Variants in NF1 observed in about 807,000 individuals in gnomAD.
NF1 encodes the protein neurofibromin 1, also known as neurofibromin.
In NF1, 122 loss-of-function variants were observed where a neutral mutation model predicts 325.7. The observed-to-expected ratio is 0.37, with a 90% CI of 0.32 to 0.44. The LOEUF is 0.44. Ranked by LOEUF, NF1 falls within the 20% of genes least tolerant of loss-of-function variation. The pLI is 1.00. For missense variants in NF1, 2,140 were observed against 3,415.4 expected, an observed-to-expected ratio of 0.63 and a Z score of 9.31; for synonymous variants, 1,091 against 1,186.0, an observed-to-expected ratio of 0.92 and a Z score of 1.65.
At position 31,292,740 on chromosome 17, in the gene NF1, C is replaced by T. The variant is rs531878567; in HGVS notation, c.4835+27401C>T. ...CAAGTTTGACTCTGCATTTTGCAGA[C>T]ATGTCTGTAGGATTGACATAATCCA... is the stretch of plus-strand genomic sequence containing the variant. On this transcript the variant is annotated intron_variant, in intron 36 of 57. Coordinates refer to ENST00000358273, the MANE Select transcript of NF1 (RefSeq NM_001042492.3). Among the ~76,000 whole-genome samples the T allele has an allele frequency of 2.0e-5, 3 of 152,308 alleles. No homozygotes were observed. The South Asian group carries it at 6.2e-4, about 32-fold the overall frequency.
At position 31,318,641 on chromosome 17, in the gene NF1, C is replaced by T. The variant is rs577867039; in HGVS notation, c.4836-7179C>T. On this transcript the variant is annotated intron_variant, in intron 36 of 57. Coordinates refer to ENST00000358273, the MANE Select transcript of NF1 (RefSeq NM_001042492.3). The stretch of plus-strand genomic sequence containing the variant: ...ATGTTGTTGTTGTTTTCCGCACAGA[C>T]ATCCTTTTTGAAAATTTCACCATGA... 1.9e-5 allele frequency: 31 copies of T among 1,614,100 alleles called. 1 individual carries two copies. In the East Asian group the frequency reaches 6.9e-4, roughly 36 times the overall value.
chr17:31,212,396 G>T (rs2066744093), intron 12 of NF1, among the ~76,000 whole-genome samples: 1 of 152,186 alleles, frequency 6.6e-6, no homozygotes, highest in South Asian at 2.1e-4. Flanking sequence ...TCTTTAAGTA[G>T]GAGTATAACA....
In NF1 at chr17:31,227,550, G is replaced by A. The variant is rs1597713756; in HGVS notation, c.2353G>A (p.Glu785Lys). 6.2e-7 allele frequency: 1 copy of A among 1,613,836 alleles called. No individual in the cohort carries two copies. The highest frequency in any genetic ancestry group is 1.7e-5 in the Admixed American group (1 of 60,000). The change falls in exon 20 of 58, where the codon GAA becomes AAA. Residue 785 changes from glutamate (E) to lysine (K), a missense_variant. Physicochemically the swap from Glu to Lys is moderately conservative, Grantham distance 56. Coordinates refer to ENST00000358273, the MANE Select transcript of NF1 (RefSeq NM_001042492.3). ...EAWEDTHAKW[E>K]QATKLILNYP... ...TTGGGAAGATACACATGCAAAATGG[G>A]AACAAGCAACAAAGCTAATCCTTAA...
chr17:31,278,008 G>A (rs1383956081), intron 36 of NF1, among the ~76,000 whole-genome samples: 4 of 152,142 alleles, frequency 2.6e-5, no homozygotes, highest in Non-Finnish European at 4.4e-5. Flanking sequence ...GTGAGCTATA[G>A]TCCCAGCAAC....
At chr17:31,263,904 A>C (rs1042706330) in intron 35 of NF1, among the ~76,000 whole-genome samples, 9 of 152,126 alleles carry the variant, frequency 5.9e-5, no homozygotes, top group African/African-American at 1.9e-4. Context: ...ACTTCACTTA[A>C]CGTTTGGTGA....
At chr17:31,238,701 T>C (rs367725914) in intron 29 of NF1, among the ~76,000 whole-genome samples, 13 of 148,608 alleles carry the variant, frequency 8.7e-5, no homozygotes, top group African/African-American at 3.0e-4. Context: ...ACCACTGCAC[T>C]CCAGCCTGGG....
At chr17:31,254,945 A>T (rs531605308) in intron 31 of NF1, among the ~76,000 whole-genome samples, 1 of 152,310 alleles carries the variant, frequency 6.6e-6, no homozygotes, top group South Asian at 2.1e-4. Context: ...GTGTGCTTTA[A>T]CAAAACCTAA....
chr17:31,272,861 T>C (rs1025021159), intron 36 of NF1: 2 of 152,232 alleles, frequency 1.3e-5, no homozygotes, highest in African/African-American at 4.8e-5. Context: ...ATTTGTGTTA[T>C]GTAAATGTTT....
chr17:31,180,431 T>C (rs2143768546), intron 5 of NF1, among the ~76,000 whole-genome samples: 1 of 152,346 alleles, frequency 6.6e-6, no homozygotes, highest in African/African-American at 2.4e-5. Context: ...GATGCAAGGC[T>C]GGTTTCAACA....
At chr17:31,130,613 A>G (rs1334816549) in intron 1 of NF1, among the ~76,000 whole-genome samples, 1 of 151,758 alleles carries the variant, frequency 6.6e-6, no homozygotes, top group African/African-American at 2.4e-5. Context: ...TTCTCTGCCT[A>G]GTTTCATGTT....
At position 31,226,526 on chromosome 17, in the gene NF1, C is replaced by T. The variant is rs2151425770; in HGVS notation, c.2093C>T (p.Pro698Leu). ...GCCCTGTACATGTTTCTGTGGAACC[C>T]TGACACTGAAGCTGTTCTGGTTGCC... ...EVALYMFLWN[P>L]DTEAVLVAMS... is the part of the protein sequence containing the mutation. Residue 698 changes from proline to leucine, a missense_variant, in exon 18 of 58, where the codon CCT becomes CTT. Pro to Leu is a moderately conservative substitution (Grantham distance 98). Transcript: ENST00000358273. The T allele has an allele frequency of 6.2e-7, 1 of 1,613,888 alleles. No homozygotes were observed. Among genetic ancestry groups the T allele is most frequent in the Non-Finnish European group, 8.5e-7 (1 of 1,179,814 alleles).
chr17:31,098,592 T>A (rs1159497664), intron 1 of NF1, among the ~76,000 whole-genome samples: 1 of 152,102 alleles, frequency 6.6e-6, no homozygotes, highest in Non-Finnish European at 1.5e-5. Flanking sequence ...TACATTTTTA[T>A]TGAGGGGAGA....
chr17:31,313,696 A>T (rs2068942977), intron 36 of NF1, among the ~76,000 whole-genome samples: 2 of 140,050 alleles, frequency 1.4e-5, no homozygotes, highest in African/African-American at 3.0e-5. Context: ...ACAGAGCAAG[A>T]CTCTATCTCA....
At chr17:31,164,036 C>T (rs989164832) in intron 4 of NF1, among the ~76,000 whole-genome samples, 2 of 152,162 alleles carry the variant, frequency 1.3e-5, no homozygotes, top group African/African-American at 4.8e-5. Context: ...CCTTTGCTGT[C>T]TCATCCTCAC....
At chr17:31,148,936 TCTATC>T (rs955932530) in intron 1 of NF1, among the ~76,000 whole-genome samples, 1 of 152,154 alleles carries the variant, frequency 6.6e-6, no homozygotes, top group Non-Finnish European at 1.5e-5. Context: ...GAATATGGAT[TCTATC>T]CTTTTCACTT....
intron 1 of NF1, among the ~76,000 whole-genome samples, chr17:31,154,720 AT>A (rs1917197528): frequency 7.3e-6 from 1 of 136,386 alleles, no homozygotes; most frequent in South Asian, 2.3e-4. Flanking sequence ...CGCCAATTTC[AT>A]TTAGTATTTC....
At chr17:31,194,267 A>T (rs2066397632) in intron 8 of NF1, among the ~76,000 whole-genome samples, 1 of 152,206 alleles carries the variant, frequency 6.6e-6, no homozygotes, top group South Asian at 2.1e-4. Flanking sequence ...ACATTATATT[A>T]AGTGAAATAA....
At chr17:31,368,693 G>T (rs1379961167) in intron 57 of NF1, among the ~76,000 whole-genome samples, 4 of 152,116 alleles carry the variant, frequency 2.6e-5, no homozygotes, top group Non-Finnish European at 5.9e-5. Flanking sequence ...GATATTAGGA[G>T]CATCTTAATT....
chr17:31,212,921 T>C (rs2066754330), intron 12 of NF1, among the ~76,000 whole-genome samples: 1 of 152,204 alleles, frequency 6.6e-6, no homozygotes, highest in South Asian at 2.1e-4. Context: ...TTTTCAGCTA[T>C]GTTACATATT....
Sources: allele counts gnomAD v4.1 joint callset (sites outside exome capture counted in the v4.1 genomes callset), GRCh38; gene constraint gnomAD v4.1.1; transcripts MANE v1.5; gene names NCBI Gene and HGNC (gene_info 2026-07-23, HGNC 2026-07-21).